The following TMEM182 variants were observed in gnomAD, a reference collection of about 807,000 sequenced individuals.
TMEM182 encodes the protein transmembrane protein 182.
Under a neutral mutation model 26.8 loss-of-function variants are expected in TMEM182, and 20 were observed. The observed-to-expected ratio is 0.75, with a 90% CI of 0.53 to 1.09. The LOEUF is 1.09. Among genes scored for constraint, TMEM182 ranks in the 50% least tolerant of loss-of-function variants. The probability of loss-of-function intolerance (pLI) is 0.00; values close to 1 mark genes in which losing one functional copy is unlikely to be tolerated. For synonymous variants in TMEM182, 109 were observed against 102.2 expected (o/e 1.07, Z -0.40); for missense variants, 277 against 275.5 (o/e 1.01, Z -0.04).
At chr2:102,766,199 A>G (rs1391804150) in intron 3 of TMEM182, among the ~76,000 whole-genome samples, 1 of 152,220 alleles carries the variant, frequency 6.6e-6, no homozygotes, top group African/African-American at 2.4e-5. Flanking sequence ...CTGCACTTCA[A>G]GGAGATAGTG....
chr2:102,792,787 C>T (rs1456783700), intron 3 of TMEM182, among the ~76,000 whole-genome samples: 1 of 152,176 alleles, frequency 6.6e-6, no homozygotes, highest in Admixed American at 6.5e-5. Context: ...AAGGCCCTCC[C>T]TTCCTTTAAA....
At chr2:102,802,769 T>C (rs995704623) in intron 4 of TMEM182, among the ~76,000 whole-genome samples, 1 of 152,196 alleles carries the variant, frequency 6.6e-6, no homozygotes, top group Non-Finnish European at 1.5e-5. Flanking sequence ...GACATCTACG[T>C]GTGTGAAATG....
chr2:102,782,607 A>C (rs759812321), intron 3 of TMEM182, among the ~76,000 whole-genome samples: 23 of 152,156 alleles, frequency 1.5e-4, no homozygotes, highest in Admixed American at 7.2e-4. Context: ...ATCTGAAGCC[A>C]AGGAAACAAA....
intron 2 of TMEM182, among the ~76,000 whole-genome samples, 191 bp from the exon 3 acceptor site, chr2:102,764,138 G>T (rs1052705573): frequency 6.6e-6 from 1 of 152,084 alleles, no homozygotes; most frequent in Non-Finnish European, 1.5e-5. Flanking sequence ...ATCCACCTTC[G>T]TCTCATGTGC....
intron 3 of TMEM182, among the ~76,000 whole-genome samples, chr2:102,822,863 C>G (rs914434771): frequency 1.3e-5 from 2 of 151,886 alleles, no homozygotes; most frequent in African/African-American, 4.8e-5. Context: ...AGAAAGCACT[C>G]AGTACATTCA....
chr2:102,841,844 T>C (rs554209099), intron 3 of TMEM182, among the ~76,000 whole-genome samples: 1 of 152,312 alleles, frequency 6.6e-6, no homozygotes, highest in Admixed American at 6.5e-5. Context: ...AAAATCCGGA[T>C]TCAGATTCTT....
intron 4 of TMEM182, among the ~76,000 whole-genome samples, chr2:102,810,220 A>G (rs1682501970): frequency 6.6e-6 from 1 of 152,098 alleles, no homozygotes; most frequent in African/African-American, 2.4e-5. Flanking sequence ...AAAAGTTTTC[A>G]TTTCTCGGGC....
At chr2:102,791,726 C>G (rs1214638784) in intron 3 of TMEM182, among the ~76,000 whole-genome samples, 2 of 152,132 alleles carry the variant, frequency 1.3e-5, no homozygotes, top group East Asian at 3.8e-4. Flanking sequence ...AATCTTGCTT[C>G]ATGTTCTAAT....
chr2:102,789,986 C>G (rs1379534122), intron 3 of TMEM182, among the ~76,000 whole-genome samples: 1 of 152,308 alleles, frequency 6.6e-6, no homozygotes, highest in Admixed American at 6.5e-5. Flanking sequence ...TATGCCCTTT[C>G]TCACTGCTAC....
upstream of TMEM182, among the ~76,000 whole-genome samples, chr2:102,760,178 C>A (rs1452622133): frequency 3.3e-5 from 5 of 152,108 alleles, no homozygotes; most frequent in East Asian, 1.9e-4. Flanking sequence ...TGGAGTTATA[C>A]CAATCTCAAG....
At chr2:102,741,274 G>C (rs984701617) in intron 1 of TMEM182, among the ~76,000 whole-genome samples, 3 of 152,104 alleles carry the variant, frequency 2.0e-5, no homozygotes, top group African/African-American at 7.2e-5. Context: ...ACCTAAATGT[G>C]GCAGGCATGA....
At position 102,815,508 on chromosome 2, in the gene TMEM182, C is replaced by T; in HGVS notation, c.*540C>T. ...TAATTAGTGGGAGCCATGTACTCAC[C>T]AGTTAAAATGGGCCACAACAAACAA... On this transcript the variant is annotated 3_prime_UTR_variant, in exon 5 of 5. Coordinates refer to ENST00000412401, the MANE Select transcript of TMEM182 (RefSeq NM_144632.5). 1.0e-6 allele frequency: 1 copy of T among 985,870 alleles called. No individual in the cohort carries two copies. 61.1% of individuals were successfully genotyped at this position (985,870 alleles called of 1,614,324 possible). A position where few individuals can be genotyped will look rare whatever the true frequency, so the allele number is the denominator to read the frequency against.
chr2:102,792,324 A>G (rs900874001), intron 3 of TMEM182, among the ~76,000 whole-genome samples: 8 of 152,174 alleles, frequency 5.3e-5, no homozygotes, highest in Admixed American at 3.3e-4. Context: ...CTTTTCATAT[A>G]TTATATCAAT....
At chr2:102,750,987 T>G (rs1436245486) in intron 1 of TMEM182, among the ~76,000 whole-genome samples, 1 of 152,214 alleles carries the variant, frequency 6.6e-6, no homozygotes, top group Non-Finnish European at 1.5e-5. Context: ...GCCTTCTTGC[T>G]GTGGCCTCAT....
chr2:102,806,493 T>C (rs1682353969), intron 4 of TMEM182, among the ~76,000 whole-genome samples: 1 of 152,120 alleles, frequency 6.6e-6, no homozygotes, highest in African/African-American at 2.4e-5. Context: ...GAGGTCATCA[T>C]TCCCTTACTC....
intron 1 of TMEM182, among the ~76,000 whole-genome samples, chr2:102,743,244 G>T (rs188495845): frequency 6.6e-6 from 1 of 152,000 alleles, no homozygotes; most frequent in Non-Finnish European, 1.5e-5. Context: ...AATGTATATC[G>T]CAAACTCTAG....
chr2:102,764,294 A>C, intron 2 of TMEM182, 35 bp from the exon 3 acceptor site: 1 of 1,601,620 alleles, frequency 6.2e-7, no homozygotes, highest in East Asian at 2.2e-5. Context: ...TGAGCTTTTC[A>C]ATAACAAGTG....
At chr2:102,750,737 TG>T (rs765941007) in intron 1 of TMEM182, among the ~76,000 whole-genome samples, 2 of 152,194 alleles carry the variant, frequency 1.3e-5, no homozygotes, top group Non-Finnish European at 2.9e-5. Flanking sequence ...AACAGTGGTT[TG>T]GCAACCTCTG....
chr2:102,761,884 C>G (rs1680225453), upstream of TMEM182: 1 of 232,446 alleles, frequency 4.3e-6, no homozygotes, highest in Admixed American at 5.3e-5. Flanking sequence ...TGAGCCAGTT[C>G]CTGATACTTC....
Sources: allele counts gnomAD v4.1 joint callset (sites outside exome capture counted in the v4.1 genomes callset), GRCh38; gene constraint gnomAD v4.1.1; transcripts MANE v1.5; gene names NCBI Gene and HGNC (gene_info 2026-07-23, HGNC 2026-07-21).